POLD2: variants seen among roughly 807,000 people sequenced by gnomAD.
The protein encoded by POLD2 is DNA polymerase delta subunit 2.
In POLD2, 31 loss-of-function variants were observed where a neutral mutation model predicts 48.8. The observed-to-expected ratio is 0.64, with a 90% confidence interval of 0.48 to 0.86. The LOEUF is 0.86. POLD2 is among the 40% of genes least tolerant of loss of function. POLD2 has a pLI of 0.00. For missense variants in POLD2, 455 were observed against 610.1 expected (o/e 0.75, Z 2.68); for synonymous variants, 233 against 256.3 (o/e 0.91, Z 0.87).
chr7:44,119,807 G>A (rs1282619083), intron 2 of POLD2, among the ~76,000 whole-genome samples: 2 of 152,222 alleles, frequency 1.3e-5, no homozygotes, highest in Non-Finnish European at 2.9e-5. Flanking sequence ...GCAGGAGAAC[G>A]ACAACAGGCC....
rs1197265177 is a variant in POLD2, at chr7:44,117,123, T to C, written c.581+10A>G. 1 of 1,612,758 alleles carries C rather than the reference T, an allele frequency of 6.2e-7. No individual in the cohort carries two copies. Among genetic ancestry groups the C allele is most frequent in the Non-Finnish European group, 8.5e-7 (1 of 1,178,796 alleles). Reference sequence around the variant, plus strand: ...TGAGCTGGTTCCAGCTCCCGAGAACTGCTGCTCACCTATCTGTGTCAAGTG... The same window carrying C: ...TGAGCTGGTTCCAGCTCCCGAGAACCGCTGCTCACCTATCTGTGTCAAGTG... On this transcript the variant is annotated intron_variant, in intron 5 of 10. Transcript: ENST00000610533.
Position 44,117,137 on chromosome 7 carries a change from C to T in POLD2, c.577G>A (p.Asp193Asn). ...CTCCCGAGAACTGCTGCTCACCTAT[C>T]TGTGTCAAGTGGGGGTGCGGGCTTC... ...PQKPAPPLDT[D>N]RFVLLVSGLG... is the part of the protein sequence containing the mutation. The change falls in exon 5 of 11, where the codon GAT becomes AAT. Residue 193 changes from aspartate to asparagine, a missense_variant. This residue lies in a region of POLD2 where 349 missense variants were observed against 437.4 expected (regional missense o/e 0.80). Transcript: ENST00000610533. 5 of 1,613,734 alleles carry T rather than the reference C, an allele frequency of 3.1e-6. No homozygotes were observed. The highest frequency in any genetic ancestry group is 3.4e-6 in the Non-Finnish European group (4 of 1,179,630).
At chr7:44,115,165 GA>G (rs1402453502) in intron 10 of POLD2, 129 bp downstream of exon 10, 1 of 782,328 alleles carries the variant, frequency 1.3e-6, no homozygotes, top group African/African-American at 1.7e-5. Context: ...CAGCTGTGCA[GA>G]AGACCTCAGC....
Position 44,116,677 on chromosome 7 carries a change from G to T in POLD2, c.780+140C>A. Reference sequence around the variant, plus strand: ...CTGGGCATGAGGAGCCCCATTGCAGGAGGCCCCAGAGTCACTGCAGGGCGC... The same window carrying T: ...CTGGGCATGAGGAGCCCCATTGCAGTAGGCCCCAGAGTCACTGCAGGGCGC... On this transcript the variant is annotated intron_variant, in intron 6 of 10. Transcript: ENST00000610533. The surrounding 1 kb of genome is among the most constrained non-coding windows in gnomAD (Gnocchi z 6.1). 1 of 1,015,570 alleles carries T rather than the reference G, an allele frequency of 9.8e-7. No individual in the cohort carries two copies. The highest frequency in any genetic ancestry group is 1.5e-5 in the South Asian group (1 of 66,616). The allele number at this position is 1,015,570 out of a possible 1,614,324, so 62.9% of individuals were successfully genotyped here. A position where few individuals can be genotyped will look rare whatever the true frequency, so the allele number is the denominator to read the frequency against.
Position 44,123,514 on chromosome 7 carries a change from G to C in POLD2, c.-60C>G, listed in dbSNP as rs576036657. On this transcript the variant is annotated 5_prime_UTR_variant, in exon 1 of 11. Coordinates refer to ENST00000610533, the MANE Select transcript of POLD2 (RefSeq NM_006230.4). ...CGTTTCCCTGGACCCCACTCACCGCGCGGCGCGCCGCATCCCGCCAATCCC... is the reference window on the plus strand; with the variant it reads ...CGTTTCCCTGGACCCCACTCACCGCCCGGCGCGCCGCATCCCGCCAATCCC... 2.7e-6 allele frequency: 4 copies of C among 1,481,854 alleles called. No individual in the cohort carries two copies. The highest frequency in any genetic ancestry group is 3.6e-6 in the Non-Finnish European group (4 of 1,124,012). The allele number at this position is 1,481,854 out of a possible 1,614,324, so 91.8% of individuals were successfully genotyped here.
At chr7:44,115,227 T>C in intron 10 of POLD2, 68 bp downstream of exon 10, 3 of 1,086,914 alleles carry the variant, frequency 2.8e-6, no homozygotes, top group Non-Finnish European at 4.3e-6. Context: ...TTTTCTTCTC[T>C]GTGAACCTTG....
chr7:44,124,028 G>A (rs959439692), upstream of POLD2, among the ~76,000 whole-genome samples: 2 of 152,312 alleles, frequency 1.3e-5, no homozygotes, highest in South Asian at 4.1e-4. Flanking sequence ...ACTTGGCCGG[G>A]GAGAAGTAAC....
chr7:44,123,529 C>T lies in POLD2; in HGVS notation c.-75G>A. The T allele has an allele frequency of 1.3e-6, 2 of 1,488,136 alleles. No individual in the cohort carries two copies. Among genetic ancestry groups the T allele is most frequent in the Non-Finnish European group, 1.8e-6 (2 of 1,127,126 alleles). The allele number at this position is 1,488,136 out of a possible 1,614,324, so 92.2% of individuals were successfully genotyped here. On this transcript the variant is annotated 5_prime_UTR_variant, in exon 1 of 11. Transcript: ENST00000610533. ...CACTCACCGCGCGGCGCGCCGCATCCCGCCAATCCCCGCGCGCCTGCCCCG... is the reference window on the plus strand; with the variant it reads ...CACTCACCGCGCGGCGCGCCGCATCTCGCCAATCCCCGCGCGCCTGCCCCG...
rs943715882 is a variant in POLD2, at chr7:44,121,443, G to T, written c.220+391C>A. ...AACAGAGGGGGTCCCCTCGAGACCA[G>T]AGAGTGCATCCTCACCAGTCTTGGC... On this transcript the variant is annotated intron_variant, in intron 2 of 10. Transcript: ENST00000610533. The surrounding 1 kb of genome is among the most constrained non-coding windows in gnomAD (Gnocchi z 4.5). Among the ~76,000 whole-genome samples the T allele has an allele frequency of 6.6e-6, 1 of 152,216 alleles. No individual in the cohort carries two copies. The highest frequency in any genetic ancestry group is 1.5e-5 in the Non-Finnish European group (1 of 68,042).
At chr7:44,115,653 A>G (rs2075070) in intron 9 of POLD2, 113 bp downstream of exon 9, 533,398 of 1,194,878 alleles carry the variant, frequency 0.45, 121,303 homozygotes, top group Non-Finnish European at 0.47. Context: ...TTCTCCTCAG[A>G]CAGTTCTCAG....
At chr7:44,115,489 G>T in intron 9 of POLD2, 93 bp from the exon 10 acceptor site, 1 of 871,992 alleles carries the variant, frequency 1.1e-6, no homozygotes, top group Non-Finnish European at 1.9e-6. Flanking sequence ...CCCATTGCAG[G>T]CCAGTAGGAG....
At position 44,121,807 on chromosome 7, in the gene POLD2, G is replaced by A. The variant is rs371970667; in HGVS notation, c.220+27C>T. On this transcript the variant is annotated intron_variant, in intron 2 of 10. Transcript: ENST00000610533. The surrounding 1 kb of genome is among the most constrained non-coding windows in gnomAD (Gnocchi z 4.5). ...TTCTAAGTTCAGGGATGCTGTGGGG[G>A]AAGCACCTTCCCAAACTCTCACTTA... The A allele has an allele frequency of 6.3e-6, 10 of 1,599,822 alleles. No homozygotes were observed. Among genetic ancestry groups the A allele is most frequent in the South Asian group, 1.1e-5 (1 of 89,744 alleles).
chr7:44,121,861 G>A lies in POLD2; in HGVS notation c.193C>T (p.Leu65=). 2 of 1,613,306 alleles carry A rather than the reference G, an allele frequency of 1.2e-6. No individual in the cohort carries two copies. Among genetic ancestry groups the A allele is most frequent in the African/African-American group, 2.7e-5 (2 of 75,026 alleles). Residue 65 remains leucine, a synonymous_variant, in exon 2 of 11, where the codon CTG becomes TTG. Transcript: ENST00000610533. This position sits in a 1 kb window ranked among gnomAD's most constrained non-coding sequence, Gnocchi z 4.5. ...CAGTGCTGCTGGGCCCGGTTCTCCA[G>A]GAAGGGTCTCATTTGGATGAGGCGG... ...ATRLIQMRPF[L]ENRAQQHWGS...
chr7:44,123,615 A>G, upstream of POLD2: 1 of 1,414,676 alleles, frequency 7.1e-7, no homozygotes, highest in Non-Finnish European at 9.2e-7. Context: ...AATCTCACCA[A>G]TCGCTGCCCT....
Position 44,117,183 on chromosome 7 carries a change from G to A in POLD2, c.531C>T (p.Cys177=), listed in dbSNP as rs755023095. 5 of 1,613,958 alleles carry A rather than the reference G, an allele frequency of 3.1e-6. No individual in the cohort carries two copies. The Admixed American group carries it at 5.0e-5, about 16-fold the overall frequency. The change falls in exon 5 of 11, where the codon TGC becomes TGT. Residue 177 remains cysteine (C), a synonymous_variant. Transcript: ENST00000610533. ...GCTTCTGGGGAGCAAGGTCAGCAAA[G>A]CAATAGTCCTCCACCAGAAACTTCC... ...DDGKFLVEDY[C]FADLAPQKPA... is the part of the protein sequence containing the mutation.
rs1322538878 is a variant in POLD2, at chr7:44,123,503, C to A, written c.-57+8G>T. Reference sequence around the variant, plus strand: ...CCAGCTGACCCCGTTTCCCTGGACCCCACTCACCGCGCGGCGCGCCGCATC... The same window carrying A: ...CCAGCTGACCCCGTTTCCCTGGACCACACTCACCGCGCGGCGCGCCGCATC... On this transcript the variant is annotated splice_region_variant and intron_variant, in intron 1 of 10. Transcript: ENST00000610533. 8 of 1,489,388 alleles carry A rather than the reference C, an allele frequency of 5.4e-6. No individual in the cohort carries two copies. The highest frequency in any genetic ancestry group is 1.5e-5 in the African/African-American group (1 of 68,626). 92.3% of individuals were successfully genotyped at this position (1,489,388 alleles called of 1,614,324 possible).
In POLD2 at chr7:44,117,645, G is replaced by A. The variant is rs760779538; in HGVS notation, c.440C>T (p.Thr147Ile). ...DELQRIKLKG[T>I]IDVSKLVTGT... ...CGTAACCAGCTTTGACACGTCAATGGTGCCTTTTAGTTTGATACGCTGCAG... is the reference window on the plus strand; with the variant it reads ...CGTAACCAGCTTTGACACGTCAATGATGCCTTTTAGTTTGATACGCTGCAG... The change falls in exon 4 of 11, where the codon ACC (threonine) becomes ATC (isoleucine). Residue 147 changes from threonine (T) to isoleucine (I), a missense_variant. Coordinates refer to ENST00000610533, the MANE Select transcript of POLD2 (RefSeq NM_006230.4). 3 of 1,608,166 alleles carry A rather than the reference G, an allele frequency of 1.9e-6. No individual in the cohort carries two copies. Among genetic ancestry groups the A allele is most frequent in the South Asian group, 1.1e-5 (1 of 89,734 alleles).
chr7:44,116,677 G>A lies in POLD2; in HGVS notation c.780+140C>T. ...CTGGGCATGAGGAGCCCCATTGCAG[G>A]AGGCCCCAGAGTCACTGCAGGGCGC... is the stretch of plus-strand genomic sequence containing the variant. On this transcript the variant is annotated intron_variant, in intron 6 of 10. Transcript: ENST00000610533. This position sits in a 1 kb window ranked among gnomAD's most constrained non-coding sequence, Gnocchi z 6.1. The A allele has an allele frequency of 9.8e-7, 1 of 1,015,570 alleles. No individual in the cohort carries two copies. The highest frequency in any genetic ancestry group is 1.5e-6 in the Non-Finnish European group (1 of 683,918). The allele number at this position is 1,015,570 out of a possible 1,614,324, so 62.9% of individuals were successfully genotyped here.
Position 44,121,864 on chromosome 7 carries a change from A to G in POLD2, c.190T>C (p.Phe64Leu). 6.2e-7 allele frequency: 1 copy of G among 1,613,344 alleles called. No homozygotes were observed. The highest frequency in any genetic ancestry group is 8.5e-7 in the Non-Finnish European group (1 of 1,180,024). Residue 64 changes from phenylalanine (F) to leucine (L), a missense_variant, in exon 2 of 11, where the codon TTC (phenylalanine) becomes CTC (leucine). Phe to Leu is a conservative substitution (Grantham distance 22, BLOSUM62 0). Transcript: ENST00000610533. This position sits in a 1 kb window ranked among gnomAD's most constrained non-coding sequence, Gnocchi z 4.5. The stretch of plus-strand genomic sequence containing the variant: ...TGCTGCTGGGCCCGGTTCTCCAGGA[A>G]GGGTCTCATTTGGATGAGGCGGGTG... Reference protein sequence around the residue: ...YATRLIQMRPFLENRAQQHWG... With the variant: ...YATRLIQMRPLLENRAQQHWG...
Sources: gnomAD v4.1 joint callset for allele counts (sites outside exome capture counted in the v4.1 genomes callset) on GRCh38, gnomAD v4.1.1 for gene constraint, gnomAD v4.1.1 regional missense constraint, Gnocchi (gnomAD v3.1) non-coding constraint, MANE v1.5 for transcripts, NCBI Gene and HGNC (gene_info 2026-07-23, HGNC 2026-07-21) for gene names.